MALRD1: variants seen among roughly 807,000 people sequenced by gnomAD.
MALRD1 encodes the protein MAM and LDL-receptor class A domain-containing protein 1.
MALRD1 carries 247 observed loss-of-function variants against 242.1 expected under a neutral mutation model. The ratio of observed to expected loss-of-function variants is 1.02; its 90% CI spans 0.92 to 1.13. The LOEUF (loss-of-function observed/expected upper bound fraction) is 1.13. Ranked by LOEUF, MALRD1 falls within the 50% of genes most tolerant of loss-of-function variation. The probability of loss-of-function intolerance (pLI) is 0.00; values close to 1 mark genes in which losing one functional copy is unlikely to be tolerated. For missense variants in MALRD1, 2,989 were observed against 2,533.1 expected (o/e 1.18, Z -3.86); for synonymous variants, 995 against 866.6 (o/e 1.15, Z -2.60).
At chr10:19,162,030 G>GAACAACAACAAC (rs200339497) in intron 12 of MALRD1, among the ~76,000 whole-genome samples, 1 of 146,662 alleles carries the variant, frequency 6.8e-6, no homozygotes, top group Non-Finnish European at 1.5e-5. Flanking sequence ...TCTGTCTCAA[G>GAACAACAACAAC]AACAACAACA....
At chr10:19,202,066 G>C (rs1836563336) in intron 14 of MALRD1, among the ~76,000 whole-genome samples, 1 of 151,968 alleles carries the variant, frequency 6.6e-6, no homozygotes, top group Non-Finnish European at 1.5e-5. Flanking sequence ...AGACTGCCTA[G>C]GCCTCCCAAA....
At chr10:19,281,963 CAAAAAAAAAA>C (rs149370838) in intron 20 of MALRD1, among the ~76,000 whole-genome samples, 1 of 79,840 alleles carries the variant, frequency 1.3e-5, no homozygotes, top group African/African-American at 5.1e-5. Context: ...ACGATGTCTC[CAAAAAAAAAA>C]AAAAAAAAAA....
intron 26 of MALRD1, among the ~76,000 whole-genome samples, chr10:19,354,796 G>T (rs1844551085): frequency 6.6e-6 from 1 of 152,018 alleles, no homozygotes; most frequent in Admixed American, 6.6e-5. Flanking sequence ...TGAGGTGATG[G>T]TTATCCCAAT....
At chr10:19,216,980 A>ATAAAAT (rs376920885) in intron 18 of MALRD1, among the ~76,000 whole-genome samples, 13 of 149,058 alleles carry the variant, frequency 8.7e-5, no homozygotes, top group African/African-American at 3.2e-4. Flanking sequence ...TAAAATTAAA[A>ATAAAAT]AAAATGATGT....
At chr10:19,397,590 A>C (rs765429906) in intron 28 of MALRD1, among the ~76,000 whole-genome samples, 1 of 152,122 alleles carries the variant, frequency 6.6e-6, no homozygotes. Context: ...TTTCCTTTGA[A>C]TATATACCCA....
chr10:19,140,351 T>G (rs1369347434), intron 10 of MALRD1, among the ~76,000 whole-genome samples: 1 of 152,182 alleles, frequency 6.6e-6, no homozygotes, highest in Non-Finnish European at 1.5e-5. Context: ...TGATGAACTG[T>G]GAGTAAAATT....
At chr10:19,492,398 T>A (rs1837532313) in intron 30 of MALRD1, among the ~76,000 whole-genome samples, 1 of 152,172 alleles carries the variant, frequency 6.6e-6, no homozygotes, top group South Asian at 2.1e-4. Context: ...TTGCTCACAA[T>A]TTTTTGGGTC....
intron 26 of MALRD1, among the ~76,000 whole-genome samples, chr10:19,384,351 A>T (rs1418511278): frequency 8.0e-6 from 1 of 124,348 alleles, no homozygotes; most frequent in Non-Finnish European, 1.6e-5. Context: ...TTACTATATA[A>T]TATATATTAT....
intron 33 of MALRD1, among the ~76,000 whole-genome samples, chr10:19,583,980 C>A (rs754694419): frequency 2.6e-5 from 4 of 152,068 alleles, no homozygotes; most frequent in Non-Finnish European, 4.4e-5. Context: ...GGAATTTATG[C>A]ATTTCTTCTA....
intron 8 of MALRD1, among the ~76,000 whole-genome samples, chr10:19,130,283 C>T (rs1214821463): frequency 3.3e-5 from 5 of 152,126 alleles, no homozygotes; most frequent in Non-Finnish European, 7.4e-5. Context: ...GTATGTTCCA[C>T]CATTCATGCC....
At chr10:19,486,344 T>C (rs1350946479) in intron 29 of MALRD1, among the ~76,000 whole-genome samples, 2 of 152,196 alleles carry the variant, frequency 1.3e-5, no homozygotes, top group Non-Finnish European at 2.9e-5. Context: ...AAATTCTTTG[T>C]TGTGGTCTAA....
chr10:19,097,172 C>G (rs1836069867), intron 4 of MALRD1, among the ~76,000 whole-genome samples: 2 of 152,130 alleles, frequency 1.3e-5, no homozygotes, highest in Admixed American at 1.3e-4. Flanking sequence ...AGATGATTTA[C>G]TTCATAATTC....
intron 36 of MALRD1, among the ~76,000 whole-genome samples, chr10:19,673,534 A>C (rs1791449885): frequency 6.6e-6 from 1 of 152,248 alleles, no homozygotes; most frequent in African/African-American, 2.4e-5. Flanking sequence ...GTTCACATCT[A>C]TAAATGACAC....
chr10:19,604,883 A>G (rs1838532084), intron 34 of MALRD1, among the ~76,000 whole-genome samples: 1 of 152,126 alleles, frequency 6.6e-6, no homozygotes. Flanking sequence ...TAGCTTTATT[A>G]TGGTTATCTG....
intron 18 of MALRD1, among the ~76,000 whole-genome samples, chr10:19,218,387 A>G (rs901147802): frequency 6.6e-6 from 1 of 152,110 alleles, no homozygotes; most frequent in African/African-American, 2.4e-5. Flanking sequence ...TACATATATT[A>G]TTAAAATCTT....
chr10:19,171,952 T>C (rs1183568419), intron 13 of MALRD1, among the ~76,000 whole-genome samples: 33 of 120,712 alleles, frequency 2.7e-4, no homozygotes, highest in African/African-American at 9.4e-4. Flanking sequence ...ATATAATATA[T>C]GTATATATCA....
intron 30 of MALRD1, among the ~76,000 whole-genome samples, chr10:19,496,774 A>G (rs1196350993): frequency 2.6e-5 from 4 of 152,176 alleles, no homozygotes; most frequent in African/African-American, 9.7e-5. Context: ...TTAAATTAAT[A>G]GGGTCAGCCT....
chr10:19,729,592 C>CGTGTGTGT (rs113756414), intron 38 of MALRD1, among the ~76,000 whole-genome samples: 1 of 144,232 alleles, frequency 6.9e-6, no homozygotes, highest in African/African-American at 2.6e-5. Flanking sequence ...AGGATCCTTT[C>CGTGTGTGT]GTGTGTGTGT....
At chr10:19,148,782 A>ATATATATATATATATATATATAT (rs1363943174) in intron 11 of MALRD1, among the ~76,000 whole-genome samples, 10 of 80,862 alleles carry the variant, frequency 1.2e-4, no homozygotes, top group African/African-American at 4.5e-4. Context: ...TTAAAAAAAA[A>ATATATATATATATATATATATAT]AAAAAAATAT....
Sources: gnomAD v4.1 joint callset for allele counts (sites outside exome capture counted in the v4.1 genomes callset) on GRCh38, gnomAD v4.1.1 for gene constraint, MANE v1.5 for transcripts, NCBI Gene and HGNC (gene_info 2026-07-23, HGNC 2026-07-21) for gene names.